Variants in LRP1B observed in about 807,000 individuals in gnomAD.
LRP1B encodes the protein low-density lipoprotein receptor-related protein 1B.
In LRP1B, 217 loss-of-function variants were observed where a neutral mutation model predicts 556.6. The ratio of observed to expected loss-of-function variants is 0.39; its 90% CI spans 0.35 to 0.44. LRP1B has a LOEUF of 0.44. LRP1B is among the 20% of genes least tolerant of loss of function. LRP1B has a pLI of 1.00. For synonymous variants in LRP1B, 2,047 were observed against 1,865.8 expected, an observed-to-expected ratio of 1.10 and a Z score of -2.50; for missense variants, 5,053 against 5,620.8, an observed-to-expected ratio of 0.90 and a Z score of 3.23.
At chr2:142,114,811 T>G (rs1203166744) in intron 1 of LRP1B, among the ~76,000 whole-genome samples, 1 of 152,036 alleles carries the variant, frequency 6.6e-6, no homozygotes, top group Non-Finnish European at 1.5e-5. Context: ...TACATTTAGA[T>G]AGACAGAAAA....
At chr2:141,789,529 A>T (rs1296461998) in intron 2 of LRP1B, among the ~76,000 whole-genome samples, 2 of 152,128 alleles carry the variant, frequency 1.3e-5, no homozygotes, top group East Asian at 1.9e-4. Flanking sequence ...CAAAGAAACC[A>T]CCAAGATGAT....
chr2:140,324,724 T>C (rs1680367487), intron 80 of LRP1B, among the ~76,000 whole-genome samples: 1 of 151,998 alleles, frequency 6.6e-6, no homozygotes, highest in African/African-American at 2.4e-5. Flanking sequence ...CAAAACGACA[T>C]TTATATTTTA....
intron 2 of LRP1B, among the ~76,000 whole-genome samples, chr2:141,729,873 T>C (rs1396156947): frequency 6.6e-6 from 1 of 152,172 alleles, no homozygotes. Context: ...ATTCTTTACA[T>C]GGGATCTGAT....
chr2:141,039,290 AC>A (rs1462634145), intron 11 of LRP1B, among the ~76,000 whole-genome samples: 1 of 152,028 alleles, frequency 6.6e-6, no homozygotes, highest in African/African-American at 2.4e-5. Context: ...CATGCACATA[AC>A]ATTTATTATA....
intron 2 of LRP1B, among the ~76,000 whole-genome samples, chr2:141,559,884 T>C (rs1686085628): frequency 6.6e-6 from 1 of 151,644 alleles, no homozygotes; most frequent in Non-Finnish European, 1.5e-5. Flanking sequence ...ATTGTAAAAT[T>C]TGTAAAGTTC....
intron 18 of LRP1B, among the ~76,000 whole-genome samples, chr2:140,957,521 A>G (rs1159364916): frequency 6.6e-6 from 1 of 151,718 alleles, no homozygotes; most frequent in African/African-American, 2.4e-5. Context: ...AAAATATTGA[A>G]TAGTTCTGAC....
intron 2 of LRP1B, among the ~76,000 whole-genome samples, chr2:141,592,271 C>A (rs1188433806): frequency 6.6e-6 from 1 of 152,100 alleles, no homozygotes; most frequent in Admixed American, 6.6e-5. Context: ...ATAGCTTATA[C>A]GTGACAGAAA....
At chr2:140,702,405 A>G (rs1383842726) in intron 38 of LRP1B, 22 bp downstream of exon 38, 1 of 1,612,386 alleles carries the variant, frequency 6.2e-7, no homozygotes, top group Non-Finnish European at 8.5e-7. Flanking sequence ...CACTTTAAAT[A>G]CTGAAAAGAA....
intron 1 of LRP1B, among the ~76,000 whole-genome samples, chr2:142,020,789 A>C (rs2105175557): frequency 6.6e-6 from 1 of 152,344 alleles, no homozygotes; most frequent in East Asian, 1.9e-4. Context: ...GAATTGGATT[A>C]GAATCAAGAT....
chr2:141,616,524 G>C (rs1022724831), intron 2 of LRP1B, among the ~76,000 whole-genome samples: 3 of 152,044 alleles, frequency 2.0e-5, no homozygotes, highest in African/African-American at 7.2e-5. Flanking sequence ...TCTTTCAAGA[G>C]AGATCTTTAA....
intron 35 of LRP1B, among the ~76,000 whole-genome samples, chr2:140,752,919 C>T (rs1330161684): frequency 1.3e-5 from 2 of 152,104 alleles, no homozygotes; most frequent in Admixed American, 6.5e-5. Flanking sequence ...AGGGTTCACT[C>T]TTGGTGTTGT....
intron 27 of LRP1B, among the ~76,000 whole-genome samples, chr2:140,857,813 A>G (rs561366602): frequency 1.3e-5 from 2 of 152,282 alleles, no homozygotes; most frequent in Admixed American, 1.3e-4. Context: ...TATATGCAAT[A>G]TAATGTTACA....
intron 2 of LRP1B, among the ~76,000 whole-genome samples, chr2:141,665,319 C>T (rs1472872789): frequency 6.6e-6 from 1 of 152,186 alleles, no homozygotes; most frequent in East Asian, 1.9e-4. Flanking sequence ...AGCCAATAAA[C>T]ATGAAATAAA....
intron 1 of LRP1B, among the ~76,000 whole-genome samples, chr2:141,868,885 A>G (rs772527089): frequency 6.6e-6 from 1 of 152,134 alleles, no homozygotes; most frequent in Non-Finnish European, 1.5e-5. Context: ...TTACAAAGTA[A>G]TCACTGACTG....
chr2:141,113,571 T>A (rs1700807165), intron 7 of LRP1B, among the ~76,000 whole-genome samples: 1 of 151,700 alleles, frequency 6.6e-6, no homozygotes, highest in Non-Finnish European at 1.5e-5. Context: ...GCAATTCATT[T>A]TTTTTTAAGT....
intron 43 of LRP1B, among the ~76,000 whole-genome samples, chr2:140,562,517 T>C (rs963386104): frequency 2.6e-5 from 4 of 152,178 alleles, no homozygotes; most frequent in African/African-American, 9.7e-5. Context: ...TTGAGAAGTA[T>C]TAAAGCTGGG....
intron 1 of LRP1B, among the ~76,000 whole-genome samples, chr2:141,884,720 T>C (rs964357761): frequency 1.3e-5 from 2 of 152,336 alleles, no homozygotes; most frequent in Non-Finnish European, 1.5e-5. Flanking sequence ...AAAGTCACTA[T>C]GAATGGGCCG....
intron 1 of LRP1B, among the ~76,000 whole-genome samples, chr2:141,885,806 C>T (rs1284890862): frequency 1.3e-5 from 2 of 152,146 alleles, no homozygotes; most frequent in African/African-American, 4.8e-5. Flanking sequence ...TAGAACCAAT[C>T]CAGGCCAAGG....
intron 3 of LRP1B, among the ~76,000 whole-genome samples, chr2:141,415,965 A>T (rs1691085514): frequency 6.6e-6 from 1 of 152,236 alleles, no homozygotes; most frequent in South Asian, 2.1e-4. Flanking sequence ...ATACATAAAA[A>T]GTTAGAGTTT....
Sources: allele counts gnomAD v4.1 joint callset (sites outside exome capture counted in the v4.1 genomes callset), GRCh38; gene constraint gnomAD v4.1.1; transcripts MANE v1.5; gene names NCBI Gene and HGNC (gene_info 2026-07-23, HGNC 2026-07-21).